Variants in DTD1 observed in about 807,000 individuals in gnomAD.
DTD1 encodes the protein D-tyrosyl-tRNA deacylase 1 homolog.
DTD1 carries 13 observed loss-of-function variants against 25.6 expected under a neutral mutation model. That is an observed-to-expected ratio of 0.51 (90% CI 0.33 to 0.81). DTD1 has a LOEUF of 0.81. DTD1 is among the 30% of genes least tolerant of loss of function. The pLI is 0.02. For missense variants in DTD1, 193 were observed against 266.4 expected, an observed-to-expected ratio of 0.72 and a Z score of 1.92; for synonymous variants, 110 against 103.6, an observed-to-expected ratio of 1.06 and a Z score of -0.37.
At chr20:18,702,685 A>T (rs748128535) in intron 4 of DTD1, among the ~76,000 whole-genome samples, 50 of 149,896 alleles carry the variant, frequency 3.3e-4, no homozygotes, top group Non-Finnish European at 3.6e-4. Flanking sequence ...ATAGGATAGG[A>T]ATCTGGTCAC....
chr20:18,706,336 G>A (rs2061126551), intron 4 of DTD1, among the ~76,000 whole-genome samples: 1 of 152,150 alleles, frequency 6.6e-6, no homozygotes, highest in African/African-American at 2.4e-5. Context: ...GTTGGCACCT[G>A]GAAAGACCTT....
intron 4 of DTD1, among the ~76,000 whole-genome samples, chr20:18,685,209 G>T (rs6081296): frequency 0.31 from 47,231 of 152,028 alleles, 8,124 homozygotes; most frequent in South Asian, 0.43. Flanking sequence ...TTGATAAGAG[G>T]CTTCTGGAAG....
intron 4 of DTD1, among the ~76,000 whole-genome samples, chr20:18,662,433 G>T (rs992725212): frequency 2.0e-5 from 3 of 152,108 alleles, no homozygotes; most frequent in African/African-American, 7.2e-5. Context: ...GGGTGGGGGG[G>T]AGAGTATTTT....
intron 4 of DTD1, among the ~76,000 whole-genome samples, chr20:18,686,646 C>CTGTG (rs56350174): frequency 0.037 from 5,561 of 148,864 alleles, 103 homozygotes; most frequent in South Asian, 0.074. Flanking sequence ...TATTTATTAG[C>CTGTG]TGTGTGTGTG....
At chr20:18,651,308 C>T (rs2060873116) in intron 4 of DTD1, among the ~76,000 whole-genome samples, 1 of 152,150 alleles carries the variant, frequency 6.6e-6, no homozygotes, top group Non-Finnish European at 1.5e-5. Context: ...TATGCCACCA[C>T]ACTGAGCTAA....
At chr20:18,588,862 T>C (rs2060577244) in intron 1 of DTD1, 2 of 985,252 alleles carry the variant, frequency 2.0e-6, no homozygotes, top group South Asian at 9.4e-5. Context: ...GTAGATAAAG[T>C]AGTCGTTTTA....
chr20:18,691,243 C>G (rs1170550040), intron 4 of DTD1, among the ~76,000 whole-genome samples: 3 of 152,264 alleles, frequency 2.0e-5, no homozygotes, highest in African/African-American at 7.2e-5. Context: ...ATCATTCAAC[C>G]CAGCAATCCC....
At chr20:18,681,735 T>C (rs1301907494) in intron 4 of DTD1, among the ~76,000 whole-genome samples, 1 of 152,172 alleles carries the variant, frequency 6.6e-6, no homozygotes, top group African/African-American at 2.4e-5. Flanking sequence ...AGGGGATCCA[T>C]AGCTGGTAGA....
intron 4 of DTD1, among the ~76,000 whole-genome samples, chr20:18,743,504 G>A (rs112403573): frequency 2.0e-5 from 3 of 152,012 alleles, no homozygotes; most frequent in African/African-American, 7.2e-5. Flanking sequence ...GAACAGCTTG[G>A]GCAACATGGT....
intron 4 of DTD1, among the ~76,000 whole-genome samples, chr20:18,727,590 T>C (rs948409325): frequency 1.3e-5 from 2 of 152,150 alleles, no homozygotes; most frequent in Non-Finnish European, 2.9e-5. Flanking sequence ...TCCGCACATG[T>C]GAAGTGCACA....
chr20:18,684,156 C>T (rs1468013790), intron 4 of DTD1, among the ~76,000 whole-genome samples: 1 of 152,154 alleles, frequency 6.6e-6, no homozygotes, highest in Non-Finnish European at 1.5e-5. Flanking sequence ...TGGTCCAGTT[C>T]CTGTCTGGAA....
intron 4 of DTD1, among the ~76,000 whole-genome samples, chr20:18,711,255 G>C (rs769939297): frequency 6.6e-6 from 1 of 152,144 alleles, no homozygotes; most frequent in African/African-American, 2.4e-5. Context: ...CAACTCCACT[G>C]TTCTCCCTCT....
intron 4 of DTD1, among the ~76,000 whole-genome samples, chr20:18,707,504 C>T (rs1183201643): frequency 6.6e-6 from 1 of 152,154 alleles, no homozygotes; most frequent in Non-Finnish European, 1.5e-5. Flanking sequence ...GTGCCAGCTT[C>T]TCTGGCCATA....
At chr20:18,670,545 C>G (rs2060948266) in intron 4 of DTD1, among the ~76,000 whole-genome samples, 1 of 152,196 alleles carries the variant, frequency 6.6e-6, no homozygotes, top group South Asian at 2.1e-4. Flanking sequence ...CTTCTTAAGG[C>G]AAGAACCAGA....
At chr20:18,676,294 C>A (rs1488082817) in intron 4 of DTD1, among the ~76,000 whole-genome samples, 1 of 152,124 alleles carries the variant, frequency 6.6e-6, no homozygotes, top group Non-Finnish European at 1.5e-5. Flanking sequence ...TGCCCCTTCC[C>A]CACCTTGGAG....
chr20:18,654,410 A>G (rs1225622286), intron 4 of DTD1, among the ~76,000 whole-genome samples: 1 of 152,224 alleles, frequency 6.6e-6, no homozygotes, highest in Non-Finnish European at 1.5e-5. Context: ...TTTAAAAAGA[A>G]ATTACCTGGT....
chr20:18,595,048 A>T (rs1409530314), intron 2 of DTD1, among the ~76,000 whole-genome samples: 2 of 152,176 alleles, frequency 1.3e-5, no homozygotes, highest in Non-Finnish European at 2.9e-5. Flanking sequence ...TTCAGCTTTC[A>T]TGCTGGTGGT....
At chr20:18,638,623 G>C (rs2060817435) in intron 4 of DTD1, among the ~76,000 whole-genome samples, 1 of 152,182 alleles carries the variant, frequency 6.6e-6, no homozygotes, top group South Asian at 2.1e-4. Flanking sequence ...GAGAGGGGCA[G>C]AACCTGAGGC....
At chr20:18,763,244 A>T (rs2061369647) in intron 5 of DTD1, 116 bp from the exon 6 acceptor site, 1 of 152,680 alleles carries the variant, frequency 6.5e-6, no homozygotes, top group African/African-American at 2.4e-5. Flanking sequence ...GTGTCACTGT[A>T]TGAGCTTGAA....
Sources: gnomAD v4.1 joint callset for allele counts (sites outside exome capture counted in the v4.1 genomes callset) on GRCh38, gnomAD v4.1.1 for gene constraint, MANE v1.5 for transcripts, NCBI Gene and HGNC (gene_info 2026-07-23, HGNC 2026-07-21) for gene names.